The following AADAT variants were observed in gnomAD, a reference collection of about 807,000 sequenced individuals.
The protein encoded by AADAT is kynurenine/alpha-aminoadipate aminotransferase, mitochondrial.
Under a neutral mutation model 56.2 loss-of-function variants are expected in AADAT, and 25 were observed. The observed-to-expected ratio is 0.44, with a 90% CI of 0.32 to 0.62. The LOEUF (loss-of-function observed/expected upper bound fraction) is 0.62, where lower values mean the gene tolerates loss of function less well. Among genes scored for constraint, AADAT ranks in the 20% least tolerant of loss-of-function variants. The pLI, the probability that AADAT is intolerant of heterozygous loss-of-function variation, is 0.04. For missense variants in AADAT, 387 were observed against 510.5 expected (o/e 0.76, Z 2.33); for synonymous variants, 173 against 164.7 (o/e 1.05, Z -0.39).
intron 2 of AADAT, among the ~76,000 whole-genome samples, chr4:170,087,821 C>G (rs1237265763): frequency 2.0e-5 from 3 of 151,740 alleles, no homozygotes; most frequent in Non-Finnish European, 4.4e-5. Flanking sequence ...TATGTTTCAG[C>G]TTGCCTTTAA....
At chr4:170,072,306 T>C (rs1283014806) in intron 5 of AADAT, among the ~76,000 whole-genome samples, 1 of 151,650 alleles carries the variant, frequency 6.6e-6, no homozygotes, top group Non-Finnish European at 1.5e-5. Context: ...TGTGTATATA[T>C]ATATATATAT....
intron 8 of AADAT, among the ~76,000 whole-genome samples, chr4:170,068,110 G>C (rs957848215): frequency 6.9e-6 from 1 of 144,018 alleles, no homozygotes; most frequent in African/African-American, 2.6e-5. Flanking sequence ...CTGCACTCCA[G>C]CCTGGGTGAC....
rs1326662965 is a variant in AADAT at position 170,068,664 on chromosome 4, C to T, written c.827G>A (p.Gly276Asp). The change falls in exon 8 of 13, where the codon GGT (glycine) becomes GAT (aspartate). Residue 276 changes from glycine to aspartate, a missense_variant. Gly to Asp is a moderately conservative substitution (Grantham distance 94). Transcript: ENST00000337664. ...AACTCTCTCTATTAAGGGTTTTGGA[C>T]CAGTTAAAAATCCTATTCTCAACCT... ...SSGLRIGFLTGPKPLIERVIL... is the reference protein window; with the variant it reads ...SSGLRIGFLTDPKPLIERVIL... 6.2e-7 allele frequency: 1 copy of T among 1,602,558 alleles called. No homozygotes were observed. The highest frequency in any genetic ancestry group is 1.3e-5 in the African/African-American group (1 of 74,276).
At position 170,086,907 on chromosome 4, in the gene AADAT, C is replaced by A. The variant is rs150519095; in HGVS notation, c.369+209G>T. ...TGGCTTTTGCTTACAGTCAACACCC[C>A]CTACCCACCCTTGCCCATCCCCGGC... On this transcript the variant is annotated intron_variant, in intron 3 of 12. Coordinates refer to ENST00000337664, the MANE Select transcript of AADAT (RefSeq NM_016228.4). 1.6e-4 allele frequency among the ~76,000 whole-genome samples: 25 copies of A among 152,274 alleles called. No individual in the cohort carries two copies. The East Asian group carries it at 4.8e-3, about 29-fold the overall frequency.
chr4:170,061,938 T>C lies in AADAT; in HGVS notation c.1190A>G (p.Tyr397Cys), dbSNP rs1283419238. ...AGCTGAAGAGAAGGATGCTCTCAAG[T>C]AAGGGCTAGGAGCTGAGCTATCGAC... ...FYVDSSAPSPYLRASFSSASP... is the reference protein window; with the variant it reads ...FYVDSSAPSPCLRASFSSASP... Residue 397 changes from tyrosine (Y) to cysteine (C), a missense_variant, in exon 12 of 13, where the codon TAC becomes TGC. Physicochemically the swap from Tyr to Cys is radical, Grantham distance 194 (BLOSUM62 -2). Coordinates refer to ENST00000337664, the MANE Select transcript of AADAT (RefSeq NM_016228.4). 1 of 1,613,196 alleles carries C rather than the reference T, an allele frequency of 6.2e-7. No homozygotes were observed.
upstream of AADAT, among the ~76,000 whole-genome samples, chr4:170,094,087 C>T (rs1286441313): frequency 2.0e-5 from 3 of 152,046 alleles, no homozygotes; most frequent in African/African-American, 7.2e-5. Context: ...ACTGGTGAGA[C>T]GGTTGGGGGT....
upstream of AADAT, among the ~76,000 whole-genome samples, chr4:170,091,423 G>A (rs892821912): frequency 2.0e-5 from 3 of 152,176 alleles, no homozygotes; most frequent in East Asian, 1.9e-4. Flanking sequence ...CCGGCTCACC[G>A]GCGCTACCTT....
chr4:170,068,038 C>A (rs571487906), intron 8 of AADAT, among the ~76,000 whole-genome samples: 2 of 150,106 alleles, frequency 1.3e-5, no homozygotes, highest in East Asian at 3.9e-4. Context: ...ACTCGAGAGG[C>A]TAAGGCAGGA....
At chr4:170,087,787 A>C (rs1732635714) in intron 2 of AADAT, among the ~76,000 whole-genome samples, 2 of 152,140 alleles carry the variant, frequency 1.3e-5, no homozygotes, top group South Asian at 4.2e-4. Flanking sequence ...CACTTGAAGA[A>C]GACCAGCTAA....
chr4:170,068,881 G>A (rs1328009230), intron 7 of AADAT, among the ~76,000 whole-genome samples, 194 bp from the exon 8 acceptor site: 1 of 152,054 alleles, frequency 6.6e-6, no homozygotes, highest in Non-Finnish European at 1.5e-5. Context: ...GATCGACTAC[G>A]TATTTCGAAA....
At chr4:170,087,092 G>C (rs1264956845) in intron 3 of AADAT, 24 bp downstream of exon 3, 1 of 1,612,494 alleles carries the variant, frequency 6.2e-7, no homozygotes, top group Non-Finnish European at 8.5e-7. Flanking sequence ...CTACATTTTG[G>C]CTGAGTTTTC....
chr4:170,093,952 A>G (rs1179421413), upstream of AADAT, among the ~76,000 whole-genome samples: 1 of 152,124 alleles, frequency 6.6e-6, no homozygotes, highest in Non-Finnish European at 1.5e-5. Context: ...CCCCCTTTCC[A>G]ATCAGTGGTA....
intron 3 of AADAT, among the ~76,000 whole-genome samples, chr4:170,083,608 A>C (rs192514834): frequency 3.7e-4 from 56 of 152,308 alleles, no homozygotes; most frequent in Admixed American, 1.9e-3. Flanking sequence ...TTCTAAAAGA[A>C]GACATAAAAA....
At chr4:170,069,279 C>G (rs1028968477) in intron 6 of AADAT, 49 bp from the exon 7 acceptor site, 1 of 1,461,950 alleles carries the variant, frequency 6.8e-7, no homozygotes, top group Non-Finnish European at 9.5e-7. Flanking sequence ...CTCTGTTAGT[C>G]ACTGTACGAT....
At position 170,073,181 on chromosome 4, in the gene AADAT, A is replaced by T; in HGVS notation, c.609T>A (p.Pro203=). The change falls in exon 5 of 13, where the codon CCT becomes CCA. Residue 203 remains proline, a synonymous_variant. Coordinates refer to ENST00000337664, the MANE Select transcript of AADAT (RefSeq NM_016228.4). ...FLYTVPNGNN[P]TGNSLTSERK... is the part of the protein sequence containing the mutation. ...GTTCACTGGTTAATGAGTTTCCAGT[A>T]GGGTTGTTGCCATTTGGAACAGTAT... is the stretch of plus-strand genomic sequence containing the variant. 6.2e-7 allele frequency: 1 copy of T among 1,614,210 alleles called. No individual in the cohort carries two copies. Among genetic ancestry groups the T allele is most frequent in the Non-Finnish European group, 8.5e-7 (1 of 1,180,036 alleles).
upstream of AADAT, among the ~76,000 whole-genome samples, chr4:170,092,325 C>T (rs554658572): frequency 3.3e-5 from 5 of 152,350 alleles, no homozygotes; most frequent in South Asian, 2.1e-4. Flanking sequence ...GTGGAGACCA[C>T]GCACCCACAG....
intron 3 of AADAT, among the ~76,000 whole-genome samples, chr4:170,083,196 C>G (rs1732399227): frequency 6.6e-6 from 1 of 151,956 alleles, no homozygotes; most frequent in Non-Finnish European, 1.5e-5. Context: ...AATATCTTTC[C>G]TGACCACAAT....
chr4:170,077,781 T>C (rs557656267), intron 4 of AADAT, among the ~76,000 whole-genome samples: 1 of 152,324 alleles, frequency 6.6e-6, no homozygotes, highest in Non-Finnish European at 1.5e-5. Context: ...TACAAATAAA[T>C]CTAATTCTTT....
In AADAT at chr4:170,068,643, C is replaced by CAGA; in HGVS notation, c.847_848insTCT (p.Arg283delinsIleTer). 1 of 1,608,324 alleles carries CAGA rather than the reference C, an allele frequency of 6.2e-7. No individual in the cohort carries two copies. The highest frequency in any genetic ancestry group is 8.5e-7 in the Non-Finnish European group (1 of 1,178,942). On this transcript the variant is annotated stop_gained and protein_altering_variant, in exon 8 of 13. Coordinates refer to ENST00000337664, the MANE Select transcript of AADAT (RefSeq NM_016228.4). LOFTEE classifies it high-confidence loss of function. Reference sequence around the variant, plus strand: ...TGAAACTTGTATGTGTAAAATAACTCTCTCTATTAAGGGTTTTGGACCAGT... The same window carrying CAGA: ...TGAAACTTGTATGTGTAAAATAACTCAGATCTCTATTAAGGGTTTTGGACCAGT...
Sources: gnomAD v4.1 joint callset for allele counts (sites outside exome capture counted in the v4.1 genomes callset) on GRCh38, gnomAD v4.1.1 for gene constraint, MANE v1.5 for transcripts, NCBI Gene and HGNC (gene_info 2026-07-23, HGNC 2026-07-21) for gene names.